Variants in FSD1L observed in about 807,000 individuals in gnomAD.
FSD1L encodes the protein fibronectin type III and SPRY domain containing 1 like.
In FSD1L, 45 loss-of-function variants were observed where a neutral mutation model predicts 71.6. The observed-to-expected ratio is 0.63, with a 90% CI of 0.49 to 0.81. FSD1L has a LOEUF of 0.81. Among genes scored for constraint, FSD1L ranks in the 30% least tolerant of loss-of-function variants. FSD1L has a pLI of 0.00. For missense variants in FSD1L, 561 were observed against 618.1 expected, an observed-to-expected ratio of 0.91 and a Z score of 0.98; for synonymous variants, 197 against 207.2, an observed-to-expected ratio of 0.95 and a Z score of 0.42.
At position 105,512,864 on chromosome 9, in the gene FSD1L, C is replaced by G; in HGVS notation, c.953C>G (p.Thr318Arg). Residue 318 changes from threonine to arginine, a missense_variant, in exon 10 of 14, where the codon ACA becomes AGA. This residue lies in a region of FSD1L where 410 missense variants were observed against 413.5 expected (regional missense o/e 0.99). Transcript: ENST00000481272. ...CATTTGAACCTGAAAGTTGAAGATACATGTGTAGAGTGGGATCCTACTGGA... is the reference window on the plus strand; with the variant it reads ...CATTTGAACCTGAAAGTTGAAGATAGATGTGTAGAGTGGGATCCTACTGGA... The part of the protein sequence containing the change: ...SSHLNLKVED[T>R]CVEWDPTGGK... 6.5e-7 allele frequency: 1 copy of G among 1,541,580 alleles called. No homozygotes were observed. Among genetic ancestry groups the G allele is most frequent in the Non-Finnish European group, 8.8e-7 (1 of 1,141,336 alleles).
In FSD1L at chr9:105,496,268, ATC is replaced by A. The variant is rs369948653; in HGVS notation, c.587-10125_587-10124del. On this transcript the variant is annotated intron_variant, in intron 7 of 13. Coordinates refer to ENST00000481272, the MANE Select transcript of FSD1L (RefSeq NM_001145313.3). ...GCCCAGGCTGGAGTGCAGTGGCACA[ATC>A]TCTCTGCTCACTGCAAGCTCCGCCT... Among the ~76,000 whole-genome samples, 1,351 of 148,808 alleles carry A rather than the reference ATC, an allele frequency of 9.1e-3. 21 individuals are homozygous for A. Among genetic ancestry groups the A allele is most frequent in the African/African-American group, 0.032 (1,292 of 40,120 alleles).
chr9:105,492,057 A>G (rs561315969), intron 7 of FSD1L, among the ~76,000 whole-genome samples: 1 of 151,960 alleles, frequency 6.6e-6, no homozygotes, highest in Non-Finnish European at 1.5e-5. Context: ...TGATTGGAAT[A>G]GTTTCAGAAG....
rs1039344974 is a variant in FSD1L, at chr9:105,506,399, T to A, written c.587T>A (p.Val196Asp). The A allele has an allele frequency of 1.9e-6, 3 of 1,545,830 alleles. No homozygotes were observed. Among genetic ancestry groups the A allele is most frequent in the Non-Finnish European group, 2.6e-6 (3 of 1,143,856 alleles). The part of the protein sequence containing the change: ...QMLQTLKFLP[V>D]PKAPEIDPVE... ...TCTTTTTTTTTTTTCTTCTTTGCAGTCCCCAAAGCTCCAGAGATAGATCCA... is the reference window on the plus strand; with the variant it reads ...TCTTTTTTTTTTTTCTTCTTTGCAGACCCCAAAGCTCCAGAGATAGATCCA... The change falls in exon 8 of 14, where the codon GTC becomes GAC. Residue 196 changes from valine to aspartate, a missense_variant and splice_region_variant. By Grantham distance (152) the Val-to-Asp change is radical. Coordinates refer to ENST00000481272, the MANE Select transcript of FSD1L (RefSeq NM_001145313.3).
In FSD1L at chr9:105,531,406, C is replaced by T. The variant is rs75312952; in HGVS notation, c.1026-3087C>T. 1.8e-3 allele frequency among the ~76,000 whole-genome samples: 280 copies of T among 152,206 alleles called. 2 individuals carry two copies. The highest frequency in any genetic ancestry group is 6.4e-3 in the African/African-American group (267 of 41,518). Reference sequence around the variant, plus strand: ...AACAAAATCTTGTTGACTTTCTTTGCTCTGTTTCTTAGCTGAATAGCAACC... The same window carrying T: ...AACAAAATCTTGTTGACTTTCTTTGTTCTGTTTCTTAGCTGAATAGCAACC... On this transcript the variant is annotated intron_variant, in intron 10 of 13. Transcript: ENST00000481272.
intron 7 of FSD1L, among the ~76,000 whole-genome samples, chr9:105,487,459 G>A (rs1290118752): frequency 6.6e-6 from 1 of 151,544 alleles, no homozygotes; most frequent in Non-Finnish European, 1.5e-5. Context: ...GGTGACAAAT[G>A]TGTTATGATT....
In FSD1L at chr9:105,471,931, C is replaced by G. The variant is rs557473739; in HGVS notation, c.367C>G (p.Leu123Val). The G allele has an allele frequency of 7.1e-7, 1 of 1,404,960 alleles. No individual in the cohort carries two copies. Among genetic ancestry groups the G allele is most frequent in the East Asian group, 3.0e-5 (1 of 33,012 alleles). The allele number at this position is 1,404,960 out of a possible 1,614,324, so 87.0% of individuals were successfully genotyped here. Residue 123 changes from leucine (L) to valine (V), a missense_variant, in exon 5 of 14, where the codon CTG (leucine) becomes GTG (valine). Leu to Val is a conservative substitution (Grantham distance 32, BLOSUM62 1). Coordinates refer to ENST00000481272, the MANE Select transcript of FSD1L (RefSeq NM_001145313.3). ...QSQISQCNNA[L>V]ENSEELLEFA... Reference sequence around the variant, plus strand: ...TCAGATTAGTCAATGTAATAATGCCCTGGAGAACTCTGAAGAACTATTAGA... The same window carrying G: ...TCAGATTAGTCAATGTAATAATGCCGTGGAGAACTCTGAAGAACTATTAGA...
At chr9:105,541,040 C>A (rs575903042) in intron 13 of FSD1L, among the ~76,000 whole-genome samples, 1 of 152,092 alleles carries the variant, frequency 6.6e-6, no homozygotes, top group Non-Finnish European at 1.5e-5. Flanking sequence ...ATTCTTCTGT[C>A]ATCACCCCTA....
intron 1 of FSD1L, among the ~76,000 whole-genome samples, chr9:105,456,269 A>T (rs928980221): frequency 6.6e-6 from 1 of 152,204 alleles, no homozygotes; most frequent in Admixed American, 6.5e-5. Context: ...GCTGTGTGAC[A>T]TATTAGCTTT....
intron 10 of FSD1L, chr9:105,522,271 T>C: frequency 6.2e-7 from 1 of 1,613,754 alleles, no homozygotes; most frequent in Non-Finnish European, 8.5e-7. Flanking sequence ...ACTAAAGTTT[T>C]AGCTAGGAAT....
intron 7 of FSD1L, among the ~76,000 whole-genome samples, chr9:105,487,142 CTT>C (rs1436026628): frequency 6.6e-6 from 1 of 152,072 alleles, no homozygotes; most frequent in Non-Finnish European, 1.5e-5. Context: ...CTGTACATCA[CTT>C]TATTTTTTTT....
intron 5 of FSD1L, among the ~76,000 whole-genome samples, chr9:105,473,502 T>C (rs956496803): frequency 7.2e-5 from 11 of 152,204 alleles, no homozygotes; most frequent in African/African-American, 2.7e-4. Flanking sequence ...TGTTGACTGT[T>C]GTACTTGATA....
Position 105,508,638 on chromosome 9 carries a change from A to G in FSD1L, c.818A>G (p.Tyr273Cys), listed in dbSNP as rs1475311532. The G allele has an allele frequency of 5.2e-6, 8 of 1,550,312 alleles. No individual in the cohort carries two copies. In the East Asian group the frequency reaches 7.3e-5, roughly 14 times the overall value. ...TCAGGCTTAAAATTTGATTCAAAGT[A>G]TATGAATTTCAGAGTGCGAGCTTGT... The part of the protein sequence containing the change: ...TLSGLKFDSK[Y>C]MNFRVRACNK... Residue 273 changes from tyrosine (Y) to cysteine (C), a missense_variant, in exon 9 of 14, where the codon TAT (tyrosine) becomes TGT (cysteine). Tyr to Cys is a radical substitution (Grantham distance 194). This residue lies in a region of FSD1L where 410 missense variants were observed against 413.5 expected (regional missense o/e 0.99). Coordinates refer to ENST00000481272, the MANE Select transcript of FSD1L (RefSeq NM_001145313.3).
chr9:105,501,224 G>A (rs78318734), intron 7 of FSD1L, among the ~76,000 whole-genome samples: 3,809 of 152,162 alleles, frequency 0.025, 179 homozygotes, highest in African/African-American at 0.087. Context: ...TGTTTTATGC[G>A]GGATTTTTTT....
Position 105,470,378 on chromosome 9 carries a change from C to T in FSD1L, c.340-1526C>T, listed in dbSNP as rs907031931. 7.2e-5 allele frequency among the ~76,000 whole-genome samples: 11 copies of T among 152,236 alleles called. No homozygotes were observed. In the East Asian group the frequency reaches 1.5e-3, roughly 21 times the overall value. On this transcript the variant is annotated intron_variant, in intron 4 of 13. Coordinates refer to ENST00000481272, the MANE Select transcript of FSD1L (RefSeq NM_001145313.3). Reference sequence around the variant, plus strand: ...GTTTAACAATATTAAGTGTTCCAATCTATGAACATGAATGTCTTTCCCTTT... The same window carrying T: ...GTTTAACAATATTAAGTGTTCCAATTTATGAACATGAATGTCTTTCCCTTT...
At position 105,546,400 on chromosome 9, in the gene FSD1L, C is replaced by G; in HGVS notation, c.1510C>G (p.Pro504Ala). ...GLSLSTGMQV[P>A]SAVRTLQKSE... ...TTCTTTGAGTACTGGGATGCAGGTT[C>G]CAAGTGCTGTGAGAACACTTCAGAA... The change falls in exon 14 of 14, where the codon CCA becomes GCA. Residue 504 changes from proline (P) to alanine (A), a missense_variant. By Grantham distance (27) the Pro-to-Ala change is conservative. Coordinates refer to ENST00000481272, the MANE Select transcript of FSD1L (RefSeq NM_001145313.3). 1 of 1,550,022 alleles carries G rather than the reference C, an allele frequency of 6.5e-7. No homozygotes were observed. The highest frequency in any genetic ancestry group is 8.7e-7 in the Non-Finnish European group (1 of 1,146,012).
At chr9:105,524,248 T>C in intron 10 of FSD1L, 1 of 1,612,352 alleles carries the variant, frequency 6.2e-7, no homozygotes, top group Non-Finnish European at 8.5e-7. Context: ...AATAAAACAG[T>C]AGCCCACGTA....
At position 105,497,572 on chromosome 9, in the gene FSD1L, T is replaced by C. The variant is rs531828157; in HGVS notation, c.587-8827T>C. On this transcript the variant is annotated intron_variant, in intron 7 of 13. Coordinates refer to ENST00000481272, the MANE Select transcript of FSD1L (RefSeq NM_001145313.3). ...AGAGGCCTATTCAGATTGTCTGTTT[T>C]CCTTGTGGGTTTTGGCAGATTGTGT... Among the ~76,000 whole-genome samples the C allele has an allele frequency of 2.0e-3, 301 of 152,334 alleles. 3 individuals are homozygous for C. The highest frequency in any genetic ancestry group is 6.9e-3 in the African/African-American group (285 of 41,576).
intron 13 of FSD1L, among the ~76,000 whole-genome samples, chr9:105,544,274 G>A (rs1375513142): frequency 6.6e-6 from 1 of 151,888 alleles, no homozygotes; most frequent in Non-Finnish European, 1.5e-5. Context: ...TTTTGATGGG[G>A]TTGTTTTTTT....
chr9:105,522,765 C>A (rs567711192), intron 10 of FSD1L: 1 of 1,608,816 alleles, frequency 6.2e-7, no homozygotes, highest in East Asian at 2.2e-5. Flanking sequence ...TGTTCCTGAT[C>A]TGATGGATGA....
Sources: allele counts gnomAD v4.1 joint callset (sites outside exome capture counted in the v4.1 genomes callset), GRCh38; gene constraint gnomAD v4.1.1; regional missense constraint gnomAD v4.1.1; transcripts MANE v1.5; gene names NCBI Gene and HGNC (gene_info 2026-07-23, HGNC 2026-07-21).